Variants in ARMC3 observed in about 807,000 individuals in gnomAD.
ARMC3 encodes the protein armadillo repeat-containing protein 3.
In ARMC3, 74 loss-of-function variants were observed where a neutral mutation model predicts 90.3. That is an observed-to-expected ratio of 0.82 (90% CI 0.68 to 0.99). The LOEUF (loss-of-function observed/expected upper bound fraction) is 0.99. Among genes scored for constraint, ARMC3 ranks in the 50% least tolerant of loss-of-function variants. The probability of loss-of-function intolerance (pLI) is 0.00; values close to 1 mark genes in which losing one functional copy is unlikely to be tolerated. For synonymous variants in ARMC3, 334 were observed against 361.8 expected, an observed-to-expected ratio of 0.92 and a Z score of 0.87; for missense variants, 958 against 1,042.8, an observed-to-expected ratio of 0.92 and a Z score of 1.12.
rs1354941044 is a variant in ARMC3, at chr10:23,007,714, AAAAGAG to A, written c.1830-560_1830-555del. ...ACTCCGTCTCAAAAAAAAAAAAAAA[AAAAGAG>A]AGAGAGCGAGAGATCGTGTATATCT... On this transcript the variant is annotated intron_variant, in intron 14 of 18. Transcript: ENST00000298032. Among the ~76,000 whole-genome samples, 597 of 60,820 alleles carry A rather than the reference AAAAGAG, an allele frequency of 9.8e-3. 19 individuals are homozygous for A. The highest frequency in any genetic ancestry group is 0.022 in the Non-Finnish European group (393 of 17,866). 39.9% of individuals were successfully genotyped at this position (60,820 alleles called of 152,430 possible). A position where few individuals can be genotyped will look rare whatever the true frequency, so the allele number is the denominator to read the frequency against.
chr10:23,030,658 C>T lies in ARMC3; in HGVS notation c.2108C>T (p.Pro703Leu), dbSNP rs1268881875. Reference protein sequence around the residue: ...VKEEEEVMVVPKFVGEGSSDK... With the variant: ...VKEEEEVMVVLKFVGEGSSDK... ...GAGGAGGAAGAGGTTATGGTGGTAC[C>T]AAAATTTGTTGGTGAAGGAAGCTCT... The change falls in exon 17 of 19, where the codon CCA becomes CTA. Residue 703 changes from proline (P) to leucine (L), a missense_variant. Pro to Leu is a moderately conservative substitution (Grantham distance 98, BLOSUM62 -3). Coordinates refer to ENST00000298032, the MANE Select transcript of ARMC3 (RefSeq NM_173081.5). The T allele has an allele frequency of 6.2e-7, 1 of 1,613,618 alleles. No individual in the cohort carries two copies. Among genetic ancestry groups the T allele is most frequent in the Non-Finnish European group, 8.5e-7 (1 of 1,179,834 alleles).
intron 2 of ARMC3, among the ~76,000 whole-genome samples, chr10:22,942,072 G>C (rs1834346734): frequency 6.6e-6 from 1 of 152,164 alleles, no homozygotes; most frequent in African/African-American, 2.4e-5. Flanking sequence ...GGAGGTTTAT[G>C]CTTTAGCAGA....
At chr10:22,991,904 G>T (rs1836728404) in intron 10 of ARMC3, among the ~76,000 whole-genome samples, 1 of 152,142 alleles carries the variant, frequency 6.6e-6, no homozygotes, top group Non-Finnish European at 1.5e-5. Context: ...CCTTGTCATT[G>T]ACAGATATGT....
chr10:23,010,246 A>T (rs532146326), intron 16 of ARMC3, among the ~76,000 whole-genome samples: 139 of 88,470 alleles, frequency 1.6e-3, no homozygotes, highest in Middle Eastern at 9.8e-3. Context: ...CTCCCTTCCC[A>T]TCCCTGTTCT....
At chr10:22,945,359 A>G (rs1010336546) in intron 2 of ARMC3, among the ~76,000 whole-genome samples, 4 of 152,198 alleles carry the variant, frequency 2.6e-5, no homozygotes, top group African/African-American at 9.7e-5. Flanking sequence ...TGGAAATGGA[A>G]GAAAAATAGT....
At chr10:23,009,994 CCCTCAT>C (rs1452469418) in intron 16 of ARMC3, among the ~76,000 whole-genome samples, 5 of 152,092 alleles carry the variant, frequency 3.3e-5, no homozygotes, top group Non-Finnish European at 7.4e-5. Context: ...CAGTGGTTTG[CCCTCAT>C]CCTCAGACTG....
intron 16 of ARMC3, among the ~76,000 whole-genome samples, chr10:23,019,527 T>A (rs1413801807): frequency 6.6e-6 from 1 of 152,134 alleles, no homozygotes; most frequent in Non-Finnish European, 1.5e-5. Flanking sequence ...TCTGTTACTG[T>A]TGTTTTTCTG....
intron 16 of ARMC3, among the ~76,000 whole-genome samples, chr10:23,012,495 G>T (rs1471652016): frequency 6.6e-6 from 1 of 152,080 alleles, no homozygotes; most frequent in East Asian, 1.9e-4. Flanking sequence ...GCCTGGTGGA[G>T]TATTCTGCCC....
At chr10:23,008,226 T>C (rs567523308) in intron 14 of ARMC3, 50 bp from the exon 15 acceptor site, 473 of 984,084 alleles carry the variant, frequency 4.8e-4, no homozygotes, top group Non-Finnish European at 6.8e-4. Context: ...AAACCATCTG[T>C]TGACAAATAA....
rs1838005537 is a variant in ARMC3, at chr10:23,011,353, A to G, written c.2045+2422A>G. Among the ~76,000 whole-genome samples, 3 of 152,274 alleles carry G rather than the reference A, an allele frequency of 2.0e-5. No homozygotes were observed. The South Asian group carries it at 6.2e-4, about 32-fold the overall frequency. ...TTGTCTCTGTTTCCTCATCTGTAAA[A>G]CTGAAATAAAAATAGAACCATTTTC... On this transcript the variant is annotated intron_variant, in intron 16 of 18. Transcript: ENST00000298032.
chr10:23,020,413 G>A (rs1268861612), intron 16 of ARMC3, among the ~76,000 whole-genome samples: 1 of 152,208 alleles, frequency 6.6e-6, no homozygotes, highest in Non-Finnish European at 1.5e-5. Flanking sequence ...GGGATTACAG[G>A]TGTGAACCAC....
At chr10:22,959,991 A>G (rs1588845463) in intron 6 of ARMC3, 2 of 359,802 alleles carry the variant, frequency 5.6e-6, no homozygotes. Context: ...CTAAAAATCT[A>G]GTGATTTTTC....
Position 22,940,934 on chromosome 10 carries a change from A to C in ARMC3, c.49-5210A>C, listed in dbSNP as rs561997376. Among the ~76,000 whole-genome samples the C allele has an allele frequency of 6.2e-4, 95 of 152,356 alleles. 1 individual carries two copies. The highest frequency in any genetic ancestry group is 1.2e-3 in the Non-Finnish European group (79 of 68,022). On this transcript the variant is annotated intron_variant, in intron 2 of 18. Coordinates refer to ENST00000298032, the MANE Select transcript of ARMC3 (RefSeq NM_173081.5). ...GCAACTTTCATACATAATGGTTCCA[A>C]CTTGAAACAACCCAGAGGTCTATCA...
chr10:23,007,044 C>T, intron 14 of ARMC3, 63 bp downstream of exon 14: 1 of 1,339,736 alleles, frequency 7.5e-7, no homozygotes. Flanking sequence ...GTTGTTTCTC[C>T]ACCAACGTGT....
intron 10 of ARMC3, among the ~76,000 whole-genome samples, chr10:22,991,101 T>C (rs1385243536): frequency 2.6e-5 from 4 of 152,296 alleles, no homozygotes; most frequent in Middle Eastern, 3.4e-3. Flanking sequence ...GAAAATACTA[T>C]ACTTTTTAAA....
intron 2 of ARMC3, among the ~76,000 whole-genome samples, chr10:22,939,567 CT>C (rs1780149709): frequency 6.6e-6 from 1 of 152,120 alleles, no homozygotes; most frequent in Non-Finnish European, 1.5e-5. Flanking sequence ...TAGTCCTGCC[CT>C]ACCTAATAAA....
intron 11 of ARMC3, among the ~76,000 whole-genome samples, chr10:23,001,141 A>G (rs1837266348): frequency 6.6e-6 from 1 of 152,174 alleles, no homozygotes. Flanking sequence ...GCACAGTGAC[A>G]TGGGGGGGTC....
At chr10:23,004,944 T>G (rs369415653) in intron 13 of ARMC3, among the ~76,000 whole-genome samples, 1 of 151,908 alleles carries the variant, frequency 6.6e-6, no homozygotes, top group Admixed American at 6.6e-5. Context: ...GGGCCGGGCG[T>G]GGTGGCTCAC....
At chr10:23,005,377 C>T (rs1036173236) in intron 13 of ARMC3, among the ~76,000 whole-genome samples, 4 of 152,030 alleles carry the variant, frequency 2.6e-5, no homozygotes, top group African/African-American at 4.8e-5. Flanking sequence ...AAACATTTAA[C>T]GAGACAATTT....
Sources: gnomAD v4.1 joint callset for allele counts (sites outside exome capture counted in the v4.1 genomes callset) on GRCh38, gnomAD v4.1.1 for gene constraint, MANE v1.5 for transcripts, NCBI Gene and HGNC (gene_info 2026-07-23, HGNC 2026-07-21) for gene names.